Variants in ENTREP2 observed in about 807,000 individuals in gnomAD.
ENTREP2 encodes protein ENTREP2.
the ENTREP2 span, among the ~76,000 whole-genome samples, chr15:29,628,677 G>A: frequency 1.3e-5 from 2 of 152,222 alleles, no homozygotes; most frequent in South Asian, 2.1e-4. Context: ...TTTACTTCAT[G>A]CATTTTGATG....
chr15:29,132,975 C>T, the ENTREP2 span, among the ~76,000 whole-genome samples: 1 of 152,148 alleles, frequency 6.6e-6, no homozygotes, highest in Non-Finnish European at 1.5e-5. Flanking sequence ...CAGAGCTGCC[C>T]CCGCGCCACA....
chr15:29,341,258 TATTCATTTGCTC>T, the ENTREP2 span, among the ~76,000 whole-genome samples: 1 of 152,252 alleles, frequency 6.6e-6, no homozygotes, highest in Non-Finnish European at 1.5e-5. Flanking sequence ...TTTTTCGGTT[TATTCATTTGCTC>T]ATTCATTTGC....
the ENTREP2 span, among the ~76,000 whole-genome samples, chr15:29,650,731 T>C: frequency 6.6e-6 from 1 of 152,218 alleles, no homozygotes; most frequent in Non-Finnish European, 1.5e-5. Flanking sequence ...TCGGGAGCTT[T>C]TCATTTTTCT....
At chr15:29,348,287 G>C in the ENTREP2 span, among the ~76,000 whole-genome samples, 1 of 152,098 alleles carries the variant, frequency 6.6e-6, no homozygotes, top group African/African-American at 2.4e-5. Context: ...ACATCATATA[G>C]GGTATTAGAA....
At chr15:29,416,938 C>A in the ENTREP2 span, among the ~76,000 whole-genome samples, 1 of 152,196 alleles carries the variant, frequency 6.6e-6, no homozygotes, top group Admixed American at 6.5e-5. Context: ...ATCAAAACCA[C>A]AATGAGATAC....
At chr15:29,289,625 C>T in the ENTREP2 span, among the ~76,000 whole-genome samples, 1 of 152,018 alleles carries the variant, frequency 6.6e-6, no homozygotes, top group Non-Finnish European at 1.5e-5. Flanking sequence ...GTGGGTGGAT[C>T]ACCTGGGGTC....
At chr15:29,286,005 T>C in the ENTREP2 span, among the ~76,000 whole-genome samples, 2 of 152,226 alleles carry the variant, frequency 1.3e-5, no homozygotes, top group African/African-American at 4.8e-5. Context: ...ATTCATGATT[T>C]TTTTTAAACT....
chr15:29,312,334 C>CAAA, the ENTREP2 span, among the ~76,000 whole-genome samples: 163 of 143,574 alleles, frequency 1.1e-3, 1 homozygote, highest in African/African-American at 3.3e-3. Flanking sequence ...AAACAAGCAC[C>CAAA]AAAAAAAAAA....
At chr15:29,339,329 A>G in the ENTREP2 span, among the ~76,000 whole-genome samples, 3 of 152,220 alleles carry the variant, frequency 2.0e-5, no homozygotes, top group African/African-American at 7.2e-5. Flanking sequence ...AACAGCAGGG[A>G]AAATTGAAAA....
chr15:29,269,125 T>C, the ENTREP2 span: 4 of 1,614,198 alleles, frequency 2.5e-6, no homozygotes, highest in African/African-American at 1.3e-5. Flanking sequence ...TTCAGTTTCC[T>C]TGATGGTGTT....
chr15:29,130,616 T>C, the ENTREP2 span, among the ~76,000 whole-genome samples: 1 of 152,188 alleles, frequency 6.6e-6, no homozygotes, highest in African/African-American at 2.4e-5. Context: ...GGAAACTGGA[T>C]TCACTTCATG....
At chr15:29,350,730 G>C in the ENTREP2 span, among the ~76,000 whole-genome samples, 1 of 152,104 alleles carries the variant, frequency 6.6e-6, no homozygotes, top group Non-Finnish European at 1.5e-5. Context: ...ATTACCTGAG[G>C]TCAGGAGTTT....
the ENTREP2 span, among the ~76,000 whole-genome samples, chr15:29,344,147 A>G: frequency 6.6e-6 from 1 of 152,202 alleles, no homozygotes; most frequent in East Asian, 1.9e-4. Context: ...CAATCTGCAA[A>G]GAGGCCAGGC....
At chr15:29,515,968 A>T in the ENTREP2 span, among the ~76,000 whole-genome samples, 3 of 152,188 alleles carry the variant, frequency 2.0e-5, no homozygotes, top group South Asian at 6.2e-4. Context: ...TGAATTTATA[A>T]TACAGGTCAT....
the ENTREP2 span, among the ~76,000 whole-genome samples, chr15:29,397,794 T>A: frequency 6.6e-6 from 1 of 152,282 alleles, no homozygotes; most frequent in East Asian, 1.9e-4. Flanking sequence ...AAATTTTTTC[T>A]GAGCACAGAG....
At chr15:29,289,874 A>C in the ENTREP2 span, among the ~76,000 whole-genome samples, 1 of 152,188 alleles carries the variant, frequency 6.6e-6, no homozygotes, top group Non-Finnish European at 1.5e-5. Context: ...TATATAAGTG[A>C]AAGTTCACAG....
chr15:29,594,347 A>G, the ENTREP2 span, among the ~76,000 whole-genome samples: 1 of 152,118 alleles, frequency 6.6e-6, no homozygotes, highest in Non-Finnish European at 1.5e-5. Context: ...CTTGGCTTTT[A>G]CAAGTTTCCT....
chr15:29,514,419 C>A, the ENTREP2 span, among the ~76,000 whole-genome samples: 1 of 152,216 alleles, frequency 6.6e-6, no homozygotes, highest in Non-Finnish European at 1.5e-5. Context: ...CAATCTTCCA[C>A]TGTGTATACA....
At chr15:29,590,143 T>C in the ENTREP2 span, among the ~76,000 whole-genome samples, 1 of 152,166 alleles carries the variant, frequency 6.6e-6, no homozygotes, top group African/African-American at 2.4e-5. Flanking sequence ...GGTGTTGGAA[T>C]GGGAAGAAGG....
Sources: allele counts gnomAD v4.1 joint callset (sites outside exome capture counted in the v4.1 genomes callset), GRCh38; gene constraint gnomAD v4.1.1; transcripts MANE v1.5; gene names NCBI Gene and HGNC (gene_info 2026-07-23, HGNC 2026-07-21).